The following HKDC1 variants were observed in gnomAD, a reference collection of about 807,000 sequenced individuals.
HKDC1 encodes the protein hexokinase HKDC1.
In HKDC1, 66 loss-of-function variants were observed where a neutral mutation model predicts 96.6. The ratio of observed to expected loss-of-function variants is 0.68; its 90% CI spans 0.56 to 0.84. The LOEUF is 0.84. Ranked by LOEUF, HKDC1 falls within the 40% of genes least tolerant of loss-of-function variation. HKDC1 has a pLI of 0.00. For missense variants in HKDC1, 1,211 were observed against 1,208.1 expected, an observed-to-expected ratio of 1.00 and a Z score of -0.04; for synonymous variants, 466 against 473.1, an observed-to-expected ratio of 0.98 and a Z score of 0.20.
chr10:69,247,570 C>T lies in HKDC1; in HGVS notation c.1242C>T (p.Gly414=), dbSNP rs146608877. 1.5e-4 allele frequency: 249 copies of T among 1,614,062 alleles called. 3 individuals are homozygous for T. In the Middle Eastern group the frequency reaches 0.011, roughly 70 times the overall value. Reference sequence around the variant, plus strand: ...TCCGGACCACAGTGGGCATGGACGGCACCCTCTACAAGATACACCCTCAGT... The same window carrying T: ...TCCGGACCACAGTGGGCATGGACGGTACCCTCTACAAGATACACCCTCAGT... ...ERLRTTVGMD[G]TLYKIHPQYP... The change falls in exon 9 of 18, where the codon GGC becomes GGT. Residue 414 remains glycine (G), a synonymous_variant. Transcript: ENST00000354624.
chr10:69,261,029 G>C, intron 15 of HKDC1, 110 bp from the exon 16 acceptor site: 2 of 945,826 alleles, frequency 2.1e-6, no homozygotes, highest in South Asian at 3.1e-5. Flanking sequence ...ATGTGGCAGA[G>C]CTAGGATCTG....
chr10:69,261,057 A>G, intron 15 of HKDC1, 82 bp from the exon 16 acceptor site: 1 of 1,313,440 alleles, frequency 7.6e-7, no homozygotes, highest in East Asian at 2.3e-5. Flanking sequence ...CTCCATGCGT[A>G]GCTCCAAAGC....
At chr10:69,230,966 T>C (rs72812195) in intron 2 of HKDC1, among the ~76,000 whole-genome samples, 17,908 of 152,248 alleles carry the variant, frequency 0.12, 1,170 homozygotes, top group Middle Eastern at 0.2. Context: ...CCCCACAGAC[T>C]GCTGTTGCCT....
chr10:69,245,305 C>G (rs2132355456), intron 7 of HKDC1, among the ~76,000 whole-genome samples: 1 of 152,220 alleles, frequency 6.6e-6, no homozygotes, highest in South Asian at 2.1e-4. Flanking sequence ...TATATTTAGG[C>G]CTGATGCGGT....
chr10:69,263,344 C>G (rs1485003587), intron 16 of HKDC1, among the ~76,000 whole-genome samples: 1 of 152,172 alleles, frequency 6.6e-6, no homozygotes, highest in East Asian at 1.9e-4. Context: ...AGCCATCCAT[C>G]TGCCTAGAAC....
At chr10:69,232,441 C>G in intron 2 of HKDC1, 1 of 263,032 alleles carries the variant, frequency 3.8e-6, no homozygotes, top group Middle Eastern at 1.3e-3. Flanking sequence ...AGGATGGGCT[C>G]CACCGTCGAG....
chr10:69,250,720 G>C, intron 12 of HKDC1, 68 bp downstream of exon 12: 1 of 1,573,494 alleles, frequency 6.4e-7, no homozygotes, highest in Non-Finnish European at 8.7e-7. Flanking sequence ...ACCATCTCCA[G>C]GTAACTCCCA....
At position 69,243,243 on chromosome 10, in the gene HKDC1, C is replaced by T. The variant is rs752597704; in HGVS notation, c.753C>T (p.Asp251=). 7 of 1,614,052 alleles carry T rather than the reference C, an allele frequency of 4.3e-6. No homozygotes were observed. Among genetic ancestry groups the T allele is most frequent in the East Asian group, 2.2e-5 (1 of 44,890 alleles). The part of the protein sequence containing the change: ...DMSNIDLVEG[D]EGRMCINTEW... ...GCAACATTGACCTGGTGGAGGGCGA[C>T]GAGGGCAGGATGTGCATCAACACAG... Residue 251 remains aspartate, a synonymous_variant, in exon 7 of 18, where the codon GAC becomes GAT. Coordinates refer to ENST00000354624, the MANE Select transcript of HKDC1 (RefSeq NM_025130.4).
intron 12 of HKDC1, among the ~76,000 whole-genome samples, chr10:69,254,655 T>C (rs1257081046): frequency 6.6e-6 from 1 of 152,234 alleles, no homozygotes; most frequent in African/African-American, 2.4e-5. Flanking sequence ...TTTGTGGTTT[T>C]ATTTTCGTGC....
chr10:69,250,680 C>T, intron 12 of HKDC1, 28 bp downstream of exon 12: 1 of 1,610,944 alleles, frequency 6.2e-7, no homozygotes, highest in Non-Finnish European at 8.5e-7. Flanking sequence ...GGCTCACGGC[C>T]AGCCCAGTGG....
Position 69,250,600 on chromosome 10 carries a change from T to G in HKDC1, c.1784T>G (p.Leu595Arg). 6.2e-7 allele frequency: 1 copy of G among 1,614,084 alleles called. No homozygotes were observed. Among genetic ancestry groups the G allele is most frequent in the South Asian group, 1.1e-5 (1 of 91,084 alleles). ...LDYMGLKGASLPLGFTFSFPC... is the reference protein window; with the variant it reads ...LDYMGLKGASRPLGFTFSFPC... ...TACATGGGCCTCAAGGGAGCCTCCC[T>G]ACCTTTGGGCTTCACATTCTCATTT... The change falls in exon 12 of 18, where the codon CTA (leucine) becomes CGA (arginine). Residue 595 changes from leucine (L) to arginine (R), a missense_variant. By Grantham distance (102) the Leu-to-Arg change is moderately radical. Transcript: ENST00000354624.
At chr10:69,237,064 T>C (rs1843373335) in intron 4 of HKDC1, among the ~76,000 whole-genome samples, 1 of 152,066 alleles carries the variant, frequency 6.6e-6, no homozygotes, top group African/African-American at 2.4e-5. Flanking sequence ...GCTCCATGAC[T>C]GCAGAGGGAT....
In HKDC1 at chr10:69,261,548, C is replaced by T. The variant is rs1843811070; in HGVS notation, c.2372+254C>T. The T allele has an allele frequency of 9.7e-6, 4 of 412,176 alleles. No individual in the cohort carries two copies. In the South Asian group the frequency reaches 1.9e-4, roughly 19 times the overall value. The allele number at this position is 412,176 out of a possible 1,614,324, so 25.5% of individuals were successfully genotyped here. ...AGGCTGGGCTAATTTGAAACAAACC[C>T]CACATCTTACATCAGTTCATCTATA... On this transcript the variant is annotated intron_variant, in intron 16 of 17. Transcript: ENST00000354624.
Position 69,258,843 on chromosome 10 carries a change from G to C in HKDC1, c.2100G>C (p.Gly700=). The change falls in exon 15 of 18, where the codon GGG becomes GGC. Residue 700 remains glycine, a synonymous_variant. Transcript: ENST00000354624. ...RNIEMVEGGE[G]KMCINTEWGG... ...TCGAGATGGTGGAGGGGGGTGAAGGGAAGATGTGCATCAATACAGAGTGGG... is the reference window on the plus strand; with the variant it reads ...TCGAGATGGTGGAGGGGGGTGAAGGCAAGATGTGCATCAATACAGAGTGGG... 1 of 1,614,064 alleles carries C rather than the reference G, an allele frequency of 6.2e-7. No homozygotes were observed. Among genetic ancestry groups the C allele is most frequent in the Non-Finnish European group, 8.5e-7 (1 of 1,179,980 alleles).
Position 69,246,089 on chromosome 10 carries a change from A to T in HKDC1, c.886A>T (p.Met296Leu). ...LNPGKQLFEK[M>L]ISGLYLGELV... is the part of the protein sequence containing the mutation. ...TTCACCAACCTGCAGGTTCGAGAAG[A>T]TGATCAGTGGCCTGTACCTGGGGGA... Residue 296 changes from methionine (M) to leucine (L), a missense_variant, in exon 8 of 18, where the codon ATG (methionine) becomes TTG (leucine). Met to Leu is a conservative substitution (Grantham distance 15). Transcript: ENST00000354624. The T allele has an allele frequency of 6.2e-7, 1 of 1,614,110 alleles. No individual in the cohort carries two copies. Among genetic ancestry groups the T allele is most frequent in the Non-Finnish European group, 8.5e-7 (1 of 1,179,936 alleles).
Position 69,240,941 on chromosome 10 carries a change from C to G in HKDC1, c.691+190C>G, listed in dbSNP as rs74711031. On this transcript the variant is annotated intron_variant, in intron 6 of 17. Transcript: ENST00000354624. ...TACTGAGCACCCATTGTGTGCCGGC[C>G]CCTGGGCTTGGCACTGGGTTTGGAG... Among the ~76,000 whole-genome samples the G allele has an allele frequency of 9.4e-3, 1,426 of 152,232 alleles. 27 individuals are homozygous for G. The highest frequency in any genetic ancestry group is 0.033 in the African/African-American group (1,349 of 41,506).
At chr10:69,242,403 A>G (rs543304990) in intron 6 of HKDC1, among the ~76,000 whole-genome samples, 1 of 134,378 alleles carries the variant, frequency 7.4e-6, no homozygotes, top group African/African-American at 2.7e-5. Context: ...CTCATACCAG[A>G]GTATCAGCCA....
intron 16 of HKDC1, among the ~76,000 whole-genome samples, chr10:69,262,607 C>T (rs1589417730): frequency 2.0e-5 from 3 of 151,722 alleles, no homozygotes; most frequent in Admixed American, 6.6e-5. Context: ...CACTTTTCAG[C>T]GGGGAAAAAA....
chr10:69,241,672 A>C (rs1024750498), intron 6 of HKDC1, among the ~76,000 whole-genome samples: 1 of 152,062 alleles, frequency 6.6e-6, no homozygotes, highest in African/African-American at 2.4e-5. Context: ...TTTAGTACAG[A>C]TGGGGTTTCA....
Sources: gnomAD v4.1 joint callset for allele counts (sites outside exome capture counted in the v4.1 genomes callset) on GRCh38, gnomAD v4.1.1 for gene constraint, MANE v1.5 for transcripts, NCBI Gene and HGNC (gene_info 2026-07-23, HGNC 2026-07-21) for gene names.